The following CYTH1 variants were observed in gnomAD, a reference collection of about 807,000 sequenced individuals.
CYTH1 encodes cytohesin 1, also known as cytohesin-1.
Under a neutral mutation model 61.8 loss-of-function variants are expected in CYTH1, and 18 were observed. The ratio of observed to expected loss-of-function variants is 0.29; its 90% CI spans 0.20 to 0.43. The LOEUF is 0.43. Ranked by LOEUF, CYTH1 falls within the 20% of genes least tolerant of loss-of-function variation. The probability of loss-of-function intolerance (pLI) is 1.00; values close to 1 mark genes in which losing one functional copy is unlikely to be tolerated. For missense variants in CYTH1, 336 were observed against 510.5 expected (o/e 0.66, Z 3.29); for synonymous variants, 174 against 184.3 (o/e 0.94, Z 0.45).
At position 78,675,794 on chromosome 17, in the gene CYTH1, C is replaced by A; in HGVS notation, c.*297G>T. 1 of 1,285,292 alleles carries A rather than the reference C, an allele frequency of 7.8e-7. No individual in the cohort carries two copies. Among genetic ancestry groups the A allele is most frequent in the Non-Finnish European group, 1.0e-6 (1 of 959,884 alleles). The allele number at this position is 1,285,292 out of a possible 1,614,324, so 79.6% of individuals were successfully genotyped here. A position where few individuals can be genotyped will look rare whatever the true frequency, so the allele number is the denominator to read the frequency against. ...AAACAGTTGGCTCTGAGCTCTGCTA[C>A]CAGAACACTGAGCAGAGAAACTGGC... On this transcript the variant is annotated 3_prime_UTR_variant, in exon 14 of 14. Transcript: ENST00000446868.
rs764088076 is a variant in CYTH1 at position 78,680,229 on chromosome 17, G to A, written c.1079C>T (p.Pro360Leu). Residue 360 changes from proline (P) to leucine (L), a missense_variant, in exon 13 of 14, where the codon CCG (proline) becomes CTG (leucine). This residue lies in a region of CYTH1 where 83 missense variants were observed against 115.6 expected (regional missense o/e 0.72). Coordinates refer to ENST00000446868, the MANE Select transcript of CYTH1 (RefSeq NM_004762.6). ...CCACTCCTCCTTCTCCTCGGGCGTC[G>A]GAGCTGAGATCCGGTAAACAGTGTG... ...GNHTVYRISA[P>L]TPEEKEEWIK... is the part of the protein sequence containing the mutation. 1.1e-5 allele frequency: 17 copies of A among 1,614,146 alleles called. No homozygotes were observed. The highest frequency in any genetic ancestry group is 1.4e-5 in the Non-Finnish European group (17 of 1,180,014).
intron 1 of CYTH1, among the ~76,000 whole-genome samples, chr17:78,726,042 CTT>C (rs1159169142): frequency 2.4e-4 from 32 of 130,704 alleles, no homozygotes; most frequent in Admixed American, 3.2e-4. Flanking sequence ...ATTCAACAGT[CTT>C]TTTTTTTTTT....
At chr17:78,732,077 G>A (rs1305720494) in intron 1 of CYTH1, among the ~76,000 whole-genome samples, 5 of 152,180 alleles carry the variant, frequency 3.3e-5, no homozygotes, top group African/African-American at 9.7e-5. Flanking sequence ...GGCCACTCCT[G>A]CTCCAACTCT....
At chr17:78,687,561 GTTGGGAAGTATCGCTCAAGCTCTTC>G (rs1273070878) in intron 11 of CYTH1, among the ~76,000 whole-genome samples, 2 of 152,148 alleles carry the variant, frequency 1.3e-5, no homozygotes, top group Non-Finnish European at 2.9e-5. Flanking sequence ...TTCTTTTGTG[GTTGGGAAGTATCGCTCAAGCTCTTC>G]TGAAAGCTGA....
At chr17:78,701,223 G>A (rs1172453077) in intron 6 of CYTH1, among the ~76,000 whole-genome samples, 1 of 152,098 alleles carries the variant, frequency 6.6e-6, no homozygotes, top group Non-Finnish European at 1.5e-5. Flanking sequence ...CACAAAAGAT[G>A]AAGTCATTAT....
chr17:78,770,402 G>A (rs1021318763), intron 1 of CYTH1, among the ~76,000 whole-genome samples: 1 of 151,176 alleles, frequency 6.6e-6, no homozygotes, highest in Non-Finnish European at 1.5e-5. Context: ...CAAAATAGGC[G>A]GGTTTTTTTT....
At chr17:78,758,253 C>T (rs1248331634) in intron 1 of CYTH1, among the ~76,000 whole-genome samples, 3 of 152,136 alleles carry the variant, frequency 2.0e-5, no homozygotes, top group Admixed American at 2.0e-4. Flanking sequence ...TGCCTTTGGC[C>T]GAGGCCCCAA....
chr17:78,715,909 A>G (rs2144492572), intron 1 of CYTH1, among the ~76,000 whole-genome samples: 1 of 152,324 alleles, frequency 6.6e-6, no homozygotes, highest in South Asian at 2.1e-4. Context: ...AGAGCTGACC[A>G]AAGTTTGAGG....
chr17:78,707,611 AG>A (rs2093081481), intron 3 of CYTH1, among the ~76,000 whole-genome samples: 1 of 152,102 alleles, frequency 6.6e-6, no homozygotes, highest in African/African-American at 2.4e-5. Context: ...TGGACAACAG[AG>A]GGGAGTAATT....
rs869039489 is a variant in CYTH1, at chr17:78,756,988, C to CTT, written c.22+25212_22+25213dup. On this transcript the variant is annotated intron_variant, in intron 1 of 13. Transcript: ENST00000446868. The stretch of plus-strand genomic sequence containing the variant: ...AGGTTTGAATTTTTTTCTTTTTTTT[C>CTT]TTTTTTTTTTTTTTTTTTGAGATGG... Among the ~76,000 whole-genome samples, 959 of 129,738 alleles carry CTT rather than the reference C, an allele frequency of 7.4e-3. 15 individuals carry two copies. The highest frequency in any genetic ancestry group is 0.024 in the African/African-American group (841 of 35,362). 85.1% of individuals were successfully genotyped at this position (129,738 alleles called of 152,430 possible). A position where few individuals can be genotyped will look rare whatever the true frequency, so the allele number is the denominator to read the frequency against.
intron 1 of CYTH1, among the ~76,000 whole-genome samples, chr17:78,752,822 C>T (rs1202919806): frequency 1.3e-5 from 2 of 152,140 alleles, no homozygotes; most frequent in Non-Finnish European, 2.9e-5. Context: ...TGTGATTATA[C>T]AGATTAAATA....
intron 1 of CYTH1, among the ~76,000 whole-genome samples, chr17:78,760,494 T>TATAC (rs1555615342): frequency 4.0e-5 from 2 of 49,626 alleles, no homozygotes; most frequent in African/African-American, 2.1e-4. Flanking sequence ...TGTATATATA[T>TATAC]ATACATATAT....
chr17:78,674,904 T>A lies in CYTH1; in HGVS notation c.*1187A>T, dbSNP rs1025979097. On this transcript the variant is annotated 3_prime_UTR_variant, in exon 14 of 14. Coordinates refer to ENST00000446868, the MANE Select transcript of CYTH1 (RefSeq NM_004762.6). ...CAGCGCCTGCAGGGGAAGACAGAGA[T>A]GCGAGAGGCAGCCCGGCCACCCCCC... The A allele has an allele frequency of 6.5e-6, 1 of 153,188 alleles. No individual in the cohort carries two copies. The highest frequency in any genetic ancestry group is 6.5e-5 in the Admixed American group (1 of 15,286). 9.5% of individuals were successfully genotyped at this position (153,188 alleles called of 1,614,324 possible).
chr17:78,761,924 G>A (rs559832937), intron 1 of CYTH1, among the ~76,000 whole-genome samples: 26 of 152,136 alleles, frequency 1.7e-4, no homozygotes, highest in Non-Finnish European at 2.9e-4. Context: ...TATTCTGAGT[G>A]GAAATTAAAC....
chr17:78,745,084 C>T lies in CYTH1; in HGVS notation c.23-35352G>A, dbSNP rs532175412. Among the ~76,000 whole-genome samples, 9 of 152,210 alleles carry T rather than the reference C, an allele frequency of 5.9e-5. 1 individual carries two copies. Among genetic ancestry groups the T allele is most frequent in the African/African-American group, 1.7e-4 (7 of 41,520 alleles). ...GAGTATGTACATTTTGGGGATTTTTCTTTCTGAGAAGGGGGTCAAGAGCAT... is the reference window on the plus strand; with the variant it reads ...GAGTATGTACATTTTGGGGATTTTTTTTTCTGAGAAGGGGGTCAAGAGCAT... On this transcript the variant is annotated intron_variant, in intron 1 of 13. Transcript: ENST00000446868.
chr17:78,761,599 G>A (rs111977487), intron 1 of CYTH1, among the ~76,000 whole-genome samples: 1 of 152,118 alleles, frequency 6.6e-6, no homozygotes, highest in Non-Finnish European at 1.5e-5. Context: ...TCAGCCGGGC[G>A]TGGTGGCGGG....
At chr17:78,695,846 A>G (rs2144224023) in intron 10 of CYTH1, among the ~76,000 whole-genome samples, 161 bp downstream of exon 10, 1 of 152,350 alleles carries the variant, frequency 6.6e-6, no homozygotes, top group South Asian at 2.1e-4. Flanking sequence ...CAAACCCCTG[A>G]TCCTGACCAG....
intron 1 of CYTH1, among the ~76,000 whole-genome samples, chr17:78,770,479 T>C (rs577949499): frequency 1.3e-5 from 2 of 152,070 alleles, no homozygotes; most frequent in East Asian, 3.9e-4. Context: ...AGTGCAGTGG[T>C]GTGACCTCGG....
At chr17:78,720,415 T>A (rs1471246852) in intron 1 of CYTH1, among the ~76,000 whole-genome samples, 1 of 152,130 alleles carries the variant, frequency 6.6e-6, no homozygotes, top group Non-Finnish European at 1.5e-5. Context: ...GCCTCCTGGG[T>A]TCATGCAATT....
Sources: allele counts gnomAD v4.1 joint callset (sites outside exome capture counted in the v4.1 genomes callset), GRCh38; gene constraint gnomAD v4.1.1; regional missense constraint gnomAD v4.1.1; transcripts MANE v1.5; gene names NCBI Gene and HGNC (gene_info 2026-07-23, HGNC 2026-07-21).